Variants in GPN1 observed in about 807,000 individuals in gnomAD.
GPN1 encodes the protein GPN-loop GTPase 1, also known as ATP(GTP)-binding protein.
GPN1 carries 44 observed loss-of-function variants against 55.9 expected under a neutral mutation model. The ratio of observed to expected loss-of-function variants is 0.79; its 90% CI spans 0.62 to 1.01. The LOEUF is 1.01. GPN1 is among the 50% of genes least tolerant of loss of function. The probability of loss-of-function intolerance (pLI) is 0.00; values close to 1 mark genes in which losing one functional copy is unlikely to be tolerated. For missense variants in GPN1, 466 were observed against 462.8 expected (o/e 1.01, Z -0.06); for synonymous variants, 179 against 162.5 (o/e 1.10, Z -0.77).
chr2:27,651,069 A>T lies in GPN1; in HGVS notation c.*869A>T, dbSNP rs1260877662. 6.6e-6 allele frequency: 1 copy of T among 152,438 alleles called. No homozygotes were observed. Among genetic ancestry groups the T allele is most frequent in the South Asian group, 2.1e-4 (1 of 4,832 alleles). 9.4% of individuals were successfully genotyped at this position (152,438 alleles called of 1,614,324 possible). On this transcript the variant is annotated 3_prime_UTR_variant, in exon 14 of 14. Coordinates refer to ENST00000610189, the MANE Select transcript of GPN1 (RefSeq NM_007266.4). ...AACTTAATGCAAAGTCTCCTTGGTG[A>T]TTTTCGCAAAGTCCGTGGATTTGGG...
chr2:27,628,454 C>T (rs950634196), upstream of GPN1: 3 of 1,551,456 alleles, frequency 1.9e-6, no homozygotes, highest in African/African-American at 4.1e-5. Flanking sequence ...CTGAGGGTGA[C>T]TGCCAAGGAA....
chr2:27,637,068 C>T (rs906040108), intron 7 of GPN1, among the ~76,000 whole-genome samples: 3 of 152,166 alleles, frequency 2.0e-5, no homozygotes, highest in East Asian at 1.9e-4. Context: ...CCAGCCGGGG[C>T]ACCATGGTGA....
At position 27,629,166 on chromosome 2, in the gene GPN1, A is replaced by G; in HGVS notation, c.108A>G (p.Val36=). 6.2e-7 allele frequency: 1 copy of G among 1,614,154 alleles called. No individual in the cohort carries two copies. The highest frequency in any genetic ancestry group is 8.5e-7 in the Non-Finnish European group (1 of 1,180,010). ...CGGGATCCGGGAAAACCACTTTTGT[A>G]CAGGTGACGTACACAGCATGGGTGT... The part of the protein sequence containing the change: ...GMAGSGKTTF[V]QRLTGHLHAQ... The change falls in exon 1 of 14, where the codon GTA becomes GTG. Residue 36 remains valine, a synonymous_variant. Transcript: ENST00000610189.
At chr2:27,629,045 G>C (rs1177949720), upstream of GPN1, 1 of 1,614,054 alleles carries the variant, frequency 6.2e-7, no homozygotes, top group Non-Finnish European at 8.5e-7. Flanking sequence ...CGGGTGGGTG[G>C]GGCCAGGAGG....
intron 7 of GPN1, 29 bp from the exon 8 acceptor site, chr2:27,638,181 C>G: frequency 4.5e-6 from 6 of 1,333,162 alleles, no homozygotes; most frequent in Non-Finnish European, 5.4e-6. Context: ...TGTGCTTTTA[C>G]TAATAACTTC....
upstream of GPN1, chr2:27,628,930 G>A (rs1312416628): frequency 6.0e-6 from 9 of 1,502,970 alleles, no homozygotes; most frequent in African/African-American, 2.8e-5. Flanking sequence ...AGATGCCCTG[G>A]CAACCGCCGC....
chr2:27,634,509 AC>A (rs1673659935), intron 5 of GPN1, among the ~76,000 whole-genome samples: 1 of 151,908 alleles, frequency 6.6e-6, no homozygotes, highest in Non-Finnish European at 1.5e-5. Flanking sequence ...TTCCACACTC[AC>A]CCCCGCCCTA....
At chr2:27,637,129 C>A (rs532157579) in intron 7 of GPN1, among the ~76,000 whole-genome samples, 2 of 152,254 alleles carry the variant, frequency 1.3e-5, no homozygotes, top group African/African-American at 4.8e-5. Context: ...AACTTAATTA[C>A]TAAAGGCCTA....
At chr2:27,629,206 A>G (rs766485056) in intron 1 of GPN1, 37 bp downstream of exon 1, 1 of 1,603,978 alleles carries the variant, frequency 6.2e-7, no homozygotes, top group Admixed American at 1.7e-5. Flanking sequence ...GGGGAGCGCA[A>G]AAGGTTGCCT....
chr2:27,644,040 CGTGGTCGTGCATGTCTGTAA>C (rs1308449412), intron 12 of GPN1, among the ~76,000 whole-genome samples: 1 of 152,062 alleles, frequency 6.6e-6, no homozygotes, highest in African/African-American at 2.4e-5. Context: ...ATTAGCTGGG[CGTGGTCGTGCATGTCTGTAA>C]TTCCAGCTAC....
intron 12 of GPN1, among the ~76,000 whole-genome samples, chr2:27,645,973 GCCCACCTCAGCCA>G (rs751295419): frequency 6.6e-5 from 10 of 151,924 alleles, no homozygotes; most frequent in Non-Finnish European, 1.3e-4. Flanking sequence ...CAAGTGATCT[GCCCACCTCAGCCA>G]CCCAAAGTAC....
chr2:27,634,826 A>T lies in GPN1; in HGVS notation c.351-20A>T. On this transcript the variant is annotated intron_variant, in intron 5 of 13. Coordinates refer to ENST00000610189, the MANE Select transcript of GPN1 (RefSeq NM_007266.4). ...CATAACACAAATGTAACACTTCTTT[A>T]ATGATCTTTCTTGACATAGATATGT... is the stretch of plus-strand genomic sequence containing the variant. The T allele has an allele frequency of 7.5e-7, 1 of 1,340,574 alleles. No individual in the cohort carries two copies. Among genetic ancestry groups the T allele is most frequent in the Non-Finnish European group, 1.1e-6 (1 of 929,936 alleles). The allele number at this position is 1,340,574 out of a possible 1,614,324, so 83.0% of individuals were successfully genotyped here.
At chr2:27,646,135 G>A (rs946666382) in intron 12 of GPN1, among the ~76,000 whole-genome samples, 4 of 152,146 alleles carry the variant, frequency 2.6e-5, no homozygotes, top group Non-Finnish European at 5.9e-5. Context: ...TCCGCCTCCC[G>A]GGTTCAAGCG....
At chr2:27,629,202 C>T (rs758559097) in intron 1 of GPN1, 33 bp downstream of exon 1, 1 of 1,604,284 alleles carries the variant, frequency 6.2e-7, no homozygotes, top group East Asian at 2.2e-5. Context: ...AGTAGGGGAG[C>T]GCAAAAGGTT....
chr2:27,637,890 G>A, intron 7 of GPN1, among the ~76,000 whole-genome samples: 1 of 152,138 alleles, frequency 6.6e-6, no homozygotes, highest in East Asian at 1.9e-4. Flanking sequence ...TTTTAGATAG[G>A]AAATTCTCAA....
intron 9 of GPN1, 73 bp downstream of exon 9, chr2:27,639,104 C>A: frequency 8.1e-7 from 1 of 1,237,228 alleles, no homozygotes; most frequent in South Asian, 1.5e-5. Flanking sequence ...GGCTTTGAAC[C>A]TGGCTGAGAA....
intron 2 of GPN1, among the ~76,000 whole-genome samples, chr2:27,630,565 A>G (rs977247456): frequency 4.6e-5 from 7 of 151,620 alleles, no homozygotes; most frequent in African/African-American, 1.7e-4. Flanking sequence ...AGGCCTCTCT[A>G]TGTTGCCCAG....
In GPN1 at chr2:27,638,275, T is replaced by C; in HGVS notation, c.570+20T>C. The C allele has an allele frequency of 7.0e-7, 1 of 1,421,690 alleles. No individual in the cohort carries two copies. The highest frequency in any genetic ancestry group is 1.0e-6 in the Non-Finnish European group (1 of 1,005,022). 88.1% of individuals were successfully genotyped at this position (1,421,690 alleles called of 1,614,324 possible). ...AATAAAGTAAGTGTATTCTTCCTGT[T>C]GTGATTCACCATTTTTCATCAGAAC... On this transcript the variant is annotated intron_variant, in intron 8 of 13. Transcript: ENST00000610189.
Position 27,640,048 on chromosome 2 carries a change from G to A in GPN1, c.723G>A (p.Val241=). Reference sequence around the variant, plus strand: ...TTTATGATGCTTTTTGGCAGGTGGTGGGTGTCTCTGCTGTTCTGGGTACTG... The same window carrying A: ...TTTATGATGCTTTTTGGCAGGTGGTAGGTGTCTCTGCTGTTCTGGGTACTG... ...LDEFYSSLRV[V]GVSAVLGTGL... is the part of the protein sequence containing the mutation. The change falls in exon 10 of 14, where the codon GTG becomes GTA. Residue 241 remains valine (V), a synonymous_variant. Coordinates refer to ENST00000610189, the MANE Select transcript of GPN1 (RefSeq NM_007266.4). 6.2e-7 allele frequency: 1 copy of A among 1,605,470 alleles called. No homozygotes were observed. Among genetic ancestry groups the A allele is most frequent in the Non-Finnish European group, 8.5e-7 (1 of 1,172,356 alleles).
Sources: gnomAD v4.1 joint callset for allele counts (sites outside exome capture counted in the v4.1 genomes callset) on GRCh38, gnomAD v4.1.1 for gene constraint, MANE v1.5 for transcripts, NCBI Gene and HGNC (gene_info 2026-07-23, HGNC 2026-07-21) for gene names.